The following CUBN variants were observed in gnomAD, a reference collection of about 807,000 sequenced individuals.
CUBN encodes 460 kDa receptor.
Under a neutral mutation model 405.3 loss-of-function variants are expected in CUBN, and 282 were observed. The observed-to-expected ratio is 0.70, with a 90% CI of 0.63 to 0.77. The LOEUF is 0.77. Among genes scored for constraint, CUBN ranks in the 30% least tolerant of loss-of-function variants. CUBN has a pLI of 0.00. For missense variants in CUBN, 4,514 were observed against 4,475.2 expected (o/e 1.01, Z -0.25); for synonymous variants, 1,684 against 1,617.0 (o/e 1.04, Z -0.99).
At chr10:17,110,777 C>G (rs1836755150) in intron 9 of CUBN, 142 bp downstream of exon 9, 1 of 1,251,568 alleles carries the variant, frequency 8.0e-7, no homozygotes, top group Admixed American at 1.7e-5. Context: ...CCCACCTCAG[C>G]CTCCCAAAGT....
chr10:16,864,949 T>A (rs1163131556), intron 59 of CUBN, among the ~76,000 whole-genome samples: 4 of 39,454 alleles, frequency 1.0e-4, no homozygotes, highest in Non-Finnish European at 1.5e-4. Context: ...CATGCCCAGC[T>A]TTTTTTTTTT....
chr10:17,014,916 A>G (rs1385069906), intron 28 of CUBN, among the ~76,000 whole-genome samples: 1 of 152,184 alleles, frequency 6.6e-6, no homozygotes, highest in African/African-American at 2.4e-5. Context: ...AGAATACAGA[A>G]GAAGGCATCC....
At chr10:16,984,864 G>C (rs567532982) in intron 29 of CUBN, among the ~76,000 whole-genome samples, 2 of 152,296 alleles carry the variant, frequency 1.3e-5, no homozygotes, top group Non-Finnish European at 2.9e-5. Context: ...GCTTCTTTAG[G>C]AGGAGTGGAA....
chr10:16,832,476 G>C (rs1839036234), intron 64 of CUBN, among the ~76,000 whole-genome samples: 1 of 152,278 alleles, frequency 6.6e-6, no homozygotes, highest in Middle Eastern at 3.4e-3. Context: ...GGATTATTCT[G>C]CTAAGTGTTT....
At chr10:17,106,299 T>G (rs1486107619) in intron 10 of CUBN, among the ~76,000 whole-genome samples, 2 of 146,538 alleles carry the variant, frequency 1.4e-5, no homozygotes, top group Admixed American at 1.4e-4. Context: ...AAAAAATTTT[T>G]TAATTATAAT....
intron 40 of CUBN, among the ~76,000 whole-genome samples, chr10:16,930,080 G>A (rs1193006438): frequency 6.6e-6 from 1 of 152,168 alleles, no homozygotes; most frequent in Non-Finnish European, 1.5e-5. Context: ...TCAACATATA[G>A]ATTGCAGAAA....
intron 10 of CUBN, 31 bp from the exon 11 acceptor site, chr10:17,105,606 A>G: frequency 8.3e-7 from 1 of 1,210,546 alleles, no homozygotes; most frequent in South Asian, 1.2e-5. Flanking sequence ...ACGTGTAAAT[A>G]CAGGTCTCCT....
intron 56 of CUBN, among the ~76,000 whole-genome samples, chr10:16,885,027 T>C (rs1206724360): frequency 6.6e-6 from 1 of 152,186 alleles, no homozygotes; most frequent in Non-Finnish European, 1.5e-5. Flanking sequence ...TTCAGAGCAA[T>C]CCTCGGTTTC....
chr10:16,901,393 T>C lies in CUBN; in HGVS notation c.8129A>G (p.Asp2710Gly), dbSNP rs752626530. 5 of 1,614,038 alleles carry C rather than the reference T, an allele frequency of 3.1e-6. No individual in the cohort carries two copies. The Admixed American group carries it at 6.7e-5, about 22-fold the overall frequency. ...CAGCGAAGAGCAGTGGGTCAGGCTG[T>C]CATAAGCATTTGGATAGTTGGGGCT... ...ITSPNYPNAYDSLTHCSSLLE... is the reference protein window; with the variant it reads ...ITSPNYPNAYGSLTHCSSLLE... The change falls in exon 52 of 67, where the codon GAC (aspartate) becomes GGC (glycine). Residue 2710 changes from aspartate (D) to glycine (G), a missense_variant. By Grantham distance (94) the Asp-to-Gly change is moderately conservative (BLOSUM62 -1). Around this residue, in one of 5 missense-constraint regions of CUBN, gnomAD observed 1,186 missense variants for 1,186.9 expected, o/e 1.00. Transcript: ENST00000377833.
At chr10:17,057,685 G>A (rs1363073135) in intron 22 of CUBN, among the ~76,000 whole-genome samples, 1 of 150,974 alleles carries the variant, frequency 6.6e-6, no homozygotes, top group African/African-American at 2.4e-5. Flanking sequence ...TAAAAACTGG[G>A]AAAAAAAAGC....
At chr10:16,827,400 G>C (rs1588562249) in intron 66 of CUBN, among the ~76,000 whole-genome samples, 2 of 151,916 alleles carry the variant, frequency 1.3e-5, no homozygotes, top group African/African-American at 4.8e-5. Context: ...GAATGCCCAG[G>C]GTTTTAGAAA....
chr10:16,882,068 T>G (rs1403197152), intron 56 of CUBN, among the ~76,000 whole-genome samples: 2 of 152,204 alleles, frequency 1.3e-5, no homozygotes, highest in African/African-American at 2.4e-5. Context: ...GGTGACTGTC[T>G]TCTAGGGAGA....
At position 16,921,661 on chromosome 10, in the gene CUBN, C is replaced by T. The variant is rs1335059086; in HGVS notation, c.6647-1524G>A. On this transcript the variant is annotated intron_variant, in intron 43 of 66. Coordinates refer to ENST00000377833, the MANE Select transcript of CUBN (RefSeq NM_001081.4). Reference sequence around the variant, plus strand: ...TCCTTTTACTCTTCATGTCATTCTTCCTCTGGCCCTTGGGCGCATCTCTCC... The same window carrying T: ...TCCTTTTACTCTTCATGTCATTCTTTCTCTGGCCCTTGGGCGCATCTCTCC... 2.0e-5 allele frequency among the ~76,000 whole-genome samples: 3 copies of T among 152,240 alleles called. No individual in the cohort carries two copies. The East Asian group carries it at 5.8e-4, about 29-fold the overall frequency.
intron 22 of CUBN, among the ~76,000 whole-genome samples, chr10:17,052,675 G>C (rs1835296841): frequency 7.1e-6 from 1 of 140,816 alleles, no homozygotes; most frequent in Admixed American, 7.7e-5. Flanking sequence ...CACGAGAATT[G>C]CTGAAACCCG....
At position 17,071,894 on chromosome 10, in the gene CUBN, A is replaced by C; in HGVS notation, c.2379T>G (p.Ser793Arg). The C allele has an allele frequency of 6.2e-7, 1 of 1,612,804 alleles. No homozygotes were observed. The highest frequency in any genetic ancestry group is 8.5e-7 in the Non-Finnish European group (1 of 1,179,184). ...CATCTATTTTAAACCTGATCCAGAC[A>C]CTATTAGTAATGGATTTAATGTGAG... The part of the protein sequence containing the change: ...TISHIKSITN[S>R]VWIRFKIDAS... Residue 793 changes from serine to arginine, a missense_variant, in exon 18 of 67, where the codon AGT (serine) becomes AGG (arginine). Coordinates refer to ENST00000377833, the MANE Select transcript of CUBN (RefSeq NM_001081.4).
At chr10:17,114,967 G>A (rs1343523231) in intron 7 of CUBN, among the ~76,000 whole-genome samples, 1 of 152,174 alleles carries the variant, frequency 6.6e-6, no homozygotes, top group Non-Finnish European at 1.5e-5. Flanking sequence ...ATTTCGGCCG[G>A]GCACGGTGGC....
At chr10:16,894,360 C>T (rs1009963351) in intron 54 of CUBN, among the ~76,000 whole-genome samples, 4 of 151,960 alleles carry the variant, frequency 2.6e-5, no homozygotes, top group Non-Finnish European at 4.4e-5. Flanking sequence ...AGTCTATCAT[C>T]TATTTTGAGT....
At chr10:16,993,731 C>T (rs1833656657) in intron 28 of CUBN, among the ~76,000 whole-genome samples, 1 of 151,170 alleles carries the variant, frequency 6.6e-6, no homozygotes, top group Non-Finnish European at 1.5e-5. Context: ...TCTCGAACTC[C>T]TGACCTTAGG....
intron 17 of CUBN, among the ~76,000 whole-genome samples, chr10:17,081,870 G>T (rs1835977577): frequency 6.6e-6 from 1 of 152,114 alleles, no homozygotes; most frequent in Non-Finnish European, 1.5e-5. Flanking sequence ...CAGGTTGGTT[G>T]TATTCCTTTA....
Sources: allele counts gnomAD v4.1 joint callset (sites outside exome capture counted in the v4.1 genomes callset), GRCh38; gene constraint gnomAD v4.1.1; regional missense constraint gnomAD v4.1.1; transcripts MANE v1.5; gene names NCBI Gene and HGNC (gene_info 2026-07-23, HGNC 2026-07-21).